Variants in ACTR3C observed in about 807,000 individuals in gnomAD.
ACTR3C encodes the protein actin related protein 3C, also known as actin-related protein 3C.
In ACTR3C, 18 loss-of-function variants were observed where a neutral mutation model predicts 26.3. That is an observed-to-expected ratio of 0.68 (90% CI 0.47 to 1.01). The LOEUF (loss-of-function observed/expected upper bound fraction) is 1.01, where lower values mean the gene tolerates loss of function less well. Among genes scored for constraint, ACTR3C ranks in the 50% least tolerant of loss-of-function variants. The pLI is 0.00. For synonymous variants in ACTR3C, 55 were observed against 94.5 expected (o/e 0.58, Z 2.42); for missense variants, 184 against 250.7 (o/e 0.73, Z 1.80).
chr7:150,039,769 C>T, the ACTR3C span, among the ~76,000 whole-genome samples: 908 of 85,162 alleles, frequency 0.011, 1 homozygote, highest in African/African-American at 0.024. Flanking sequence ...ATGGGGGTCC[C>T]CAGAGCCAGG....
chr7:150,035,295 CCCCCCCTT>C, the ACTR3C span, among the ~76,000 whole-genome samples: 1 of 51,058 alleles, frequency 2.0e-5, no homozygotes, highest in Non-Finnish European at 4.9e-5. Flanking sequence ...AGAGTGCCTC[CCCCCCCTT>C]GCGATGGGGG....
chr7:150,024,043 G>A, the ACTR3C span, among the ~76,000 whole-genome samples: 1 of 150,846 alleles, frequency 6.6e-6, no homozygotes, highest in Non-Finnish European at 1.5e-5. Flanking sequence ...ACAGAAGGAA[G>A]GAGACAAAGG....
chr7:150,026,740 A>C, the ACTR3C span, among the ~76,000 whole-genome samples: 1 of 152,122 alleles, frequency 6.6e-6, no homozygotes, highest in Non-Finnish European at 1.5e-5. Flanking sequence ...CTCATTAATT[A>C]ATTATGTCAT....
the ACTR3C span, among the ~76,000 whole-genome samples, chr7:150,034,778 G>C: frequency 1.3e-5 from 2 of 151,294 alleles, no homozygotes; most frequent in African/African-American, 4.9e-5. Context: ...CTAAGCCAGG[G>C]GGGGAAGAGG....
the ACTR3C span, among the ~76,000 whole-genome samples, chr7:150,011,255 A>T: frequency 6.6e-6 from 1 of 152,070 alleles, no homozygotes; most frequent in Non-Finnish European, 1.5e-5. Context: ...ATGTTTTCTT[A>T]ACACCTTCAT....
At chr7:150,034,662 C>T in the ACTR3C span, among the ~76,000 whole-genome samples, 1 of 150,858 alleles carries the variant, frequency 6.6e-6, no homozygotes. Context: ...TCGTAAATCC[C>T]ACGTAAGGTA....
intron 7 of ACTR3C, 49 bp downstream of exon 7, chr7:150,248,899 T>A: frequency 2.1e-6 from 1 of 468,816 alleles, no homozygotes; most frequent in Non-Finnish European, 3.8e-6. Flanking sequence ...AAATAGAAAA[T>A]TTCAGCAAAA....
the ACTR3C span, among the ~76,000 whole-genome samples, chr7:149,987,783 AAAG>A: frequency 9.1e-4 from 138 of 151,588 alleles, no homozygotes; most frequent in Non-Finnish European, 1.6e-3. Flanking sequence ...GAGCAACGCT[AAAG>A]AAGAGAGACC....
chr7:150,003,446 G>A, the ACTR3C span, among the ~76,000 whole-genome samples: 2 of 152,274 alleles, frequency 1.3e-5, no homozygotes, highest in South Asian at 2.1e-4. Flanking sequence ...ATGTGGTACT[G>A]TGGGGTGTGT....
At chr7:150,082,017 C>T in the ACTR3C span, among the ~76,000 whole-genome samples, 161 of 152,146 alleles carry the variant, frequency 1.1e-3, 6 homozygotes, top group South Asian at 0.032. Context: ...TTTAATATCA[C>T]AGTCACCCTT....
intron 1 of ACTR3C, among the ~76,000 whole-genome samples, chr7:150,320,144 C>T (rs1173896476): frequency 6.6e-6 from 1 of 152,208 alleles, no homozygotes; most frequent in Admixed American, 6.5e-5. Flanking sequence ...GGGGTTTCAC[C>T]CCAGACCCCA....
chr7:150,033,750 C>A, the ACTR3C span, among the ~76,000 whole-genome samples: 1 of 149,406 alleles, frequency 6.7e-6, no homozygotes, highest in African/African-American at 2.5e-5. Context: ...AGTCCCCACC[C>A]TCGTGGGGGG....
the ACTR3C span, among the ~76,000 whole-genome samples, chr7:150,212,902 T>G: frequency 6.6e-6 from 1 of 151,240 alleles, no homozygotes; most frequent in Non-Finnish European, 1.5e-5. Context: ...TTTTGTTGGA[T>G]CTCAGTTTTT....
the ACTR3C span, among the ~76,000 whole-genome samples, chr7:150,143,039 C>A: frequency 1.3e-5 from 2 of 152,182 alleles, no homozygotes; most frequent in East Asian, 3.9e-4. Flanking sequence ...ACCATGTTGG[C>A]CAGGCTGGTC....
At chr7:150,148,091 T>A in the ACTR3C span, among the ~76,000 whole-genome samples, 1 of 140,854 alleles carries the variant, frequency 7.1e-6, no homozygotes, top group East Asian at 2.1e-4. Context: ...CAAACCCTCA[T>A]GACATGAGTT....
At chr7:150,017,515 C>T in the ACTR3C span, among the ~76,000 whole-genome samples, 1 of 150,178 alleles carries the variant, frequency 6.7e-6, no homozygotes, top group East Asian at 1.9e-4. Flanking sequence ...GAATAGGTAG[C>T]GCAGGTGGGC....
chr7:150,256,363 C>T (rs1833222326), intron 6 of ACTR3C, among the ~76,000 whole-genome samples: 1 of 152,248 alleles, frequency 6.6e-6, no homozygotes, highest in East Asian at 1.9e-4. Context: ...CTTTCCACAG[C>T]AGCTGAACTA....
chr7:150,245,465 G>T (rs1832413908), downstream of ACTR3C: 2 of 152,354 alleles, frequency 1.3e-5, no homozygotes, highest in Non-Finnish European at 1.5e-5. Context: ...GGTTAGCACA[G>T]CTGGAGAACA....
At chr7:150,199,946 G>C in the ACTR3C span, among the ~76,000 whole-genome samples, 1 of 152,068 alleles carries the variant, frequency 6.6e-6, no homozygotes, top group Non-Finnish European at 1.5e-5. Flanking sequence ...ATCATTTGTG[G>C]ACACCATGAT....
Sources: gnomAD v4.1 joint callset for allele counts (sites outside exome capture counted in the v4.1 genomes callset) on GRCh38, gnomAD v4.1.1 for gene constraint, MANE v1.5 for transcripts, NCBI Gene and HGNC (gene_info 2026-07-23, HGNC 2026-07-21) for gene names.